Variants in KIT observed in about 807,000 individuals in gnomAD.
KIT encodes the protein mast/stem cell growth factor receptor Kit.
KIT carries 16 observed loss-of-function variants against 105.7 expected under a neutral mutation model. The observed-to-expected ratio is 0.15, with a 90% confidence interval of 0.10 to 0.23. KIT has a LOEUF of 0.23. Among genes scored for constraint, KIT ranks in the 10% least tolerant of loss-of-function variants. KIT has a pLI of 1.00. For missense variants in KIT, 858 were observed against 1,213.8 expected (o/e 0.71, Z 4.36); for synonymous variants, 438 against 441.1 (o/e 0.99, Z 0.09).
At chr4:54,709,693 G>C (rs1310685306) in intron 7 of KIT, 154 bp downstream of exon 7, 1 of 693,912 alleles carries the variant, frequency 1.4e-6, no homozygotes, top group Admixed American at 2.0e-5. Context: ...GGTGGTTAGA[G>C]TGTGTCAAAA....
chr4:54,711,860 CAG>C (rs1287790294), intron 7 of KIT, among the ~76,000 whole-genome samples: 2 of 146,842 alleles, frequency 1.4e-5, no homozygotes, highest in Non-Finnish European at 3.0e-5. Context: ...ACCTGGGAGA[CAG>C]AGGTTGCAGT....
chr4:54,737,276 A>G lies in KIT; in HGVS notation c.2798A>G (p.Asn933Ser), dbSNP rs752222954. The change falls in exon 20 of 21, where the codon AAT becomes AGT. Residue 933 changes from asparagine (N) to serine (S), a missense_variant. This residue lies in a region of KIT where 105 missense variants were observed against 103.5 expected (regional missense o/e 1.01). Coordinates refer to ENST00000288135, the MANE Select transcript of KIT (RefSeq NM_000222.3). ...GAGAAGCAGATTTCAGAGAGCACCA[A>G]TCATGTGAGTATACCCTGGCCAGGC... ...LIEKQISESTNHIYSNLANCS... is the reference protein window; with the variant it reads ...LIEKQISESTSHIYSNLANCS... 6 of 1,603,016 alleles carry G rather than the reference A, an allele frequency of 3.7e-6. No individual in the cohort carries two copies. In the East Asian group the frequency reaches 6.7e-5, roughly 18 times the overall value.
At chr4:54,658,855 C>T (rs942900697) in intron 1 of KIT, among the ~76,000 whole-genome samples, 3 of 152,166 alleles carry the variant, frequency 2.0e-5, no homozygotes, top group East Asian at 1.9e-4. Flanking sequence ...TCGTACATCC[C>T]GTGCTCGCCC....
At chr4:54,666,382 T>A (rs2237030) in intron 1 of KIT, among the ~76,000 whole-genome samples, 81,447 of 151,726 alleles carry the variant, frequency 0.54, 21,934 homozygotes, top group Admixed American at 0.56. Context: ...CGGGTTCAAG[T>A]GATTCTCCTG....
chr4:54,669,007 A>C (rs990684850), intron 1 of KIT, among the ~76,000 whole-genome samples: 1 of 152,196 alleles, frequency 6.6e-6, no homozygotes, highest in Non-Finnish European at 1.5e-5. Flanking sequence ...AAAACACCAC[A>C]AGGACTGGTT....
intron 7 of KIT, among the ~76,000 whole-genome samples, chr4:54,719,570 A>AT (rs11462194): frequency 0.64 from 96,508 of 151,016 alleles, 33,101 homozygotes; most frequent in Middle Eastern, 0.82. Context: ...CAAAAAGGCT[A>AT]TTTTTTTTTA....
At position 54,658,064 on chromosome 4, in the gene KIT, T is replaced by C. The variant is rs748615975; in HGVS notation, c.50T>C (p.Leu17Pro). 2.5e-6 allele frequency: 4 copies of C among 1,613,898 alleles called. No individual in the cohort carries two copies. The highest frequency in any genetic ancestry group is 3.4e-6 in the Non-Finnish European group (4 of 1,179,900). ...GATTTTCTCTGCGTTCTGCTCCTAC[T>C]GCTTCGCGTCCAGACAGGTGGGACA... ...AWDFLCVLLL[L>P]LRVQTGSSQP... is the part of the protein sequence containing the mutation. The change falls in exon 1 of 21, where the codon CTG (leucine) becomes CCG (proline). Residue 17 changes from leucine to proline, a missense_variant. Physicochemically the swap from Leu to Pro is moderately conservative, Grantham distance 98. Transcript: ENST00000288135.
intron 1 of KIT, among the ~76,000 whole-genome samples, chr4:54,676,642 T>TCCTA (rs143854501): frequency 0.082 from 12,456 of 152,082 alleles, 612 homozygotes; most frequent in African/African-American, 0.14. Context: ...TACGATTGTG[T>TCCTA]CCTACCCTGA....
In KIT at chr4:54,709,493, C is replaced by T. The variant is rs755864184; in HGVS notation, c.1185C>T (p.Ser395=). The T allele has an allele frequency of 1.9e-6, 3 of 1,613,144 alleles. No homozygotes were observed. The highest frequency in any genetic ancestry group is 2.2e-5 in the East Asian group (1 of 44,866). Residue 395 remains serine (S), a synonymous_variant, in exon 7 of 21, where the codon TCC becomes TCT. Transcript: ENST00000288135. ...GAGGCACTTACACATTCCTAGTGTC[C>T]AATTCTGACGTCAATGCTGCCATAG... is the stretch of plus-strand genomic sequence containing the variant. ...TEGGTYTFLV[S]NSDVNAAIAF...
intron 1 of KIT, among the ~76,000 whole-genome samples, chr4:54,688,568 T>C (rs919538031): frequency 1.3e-5 from 2 of 152,212 alleles, no homozygotes; most frequent in African/African-American, 4.8e-5. Flanking sequence ...TTTAGCCTTT[T>C]GTGAAGGATA....
rs1553891403 is a variant in KIT, at chr4:54,725,883, A to T, written c.1373A>T (p.Asp458Val). 6.2e-7 allele frequency: 1 copy of T among 1,614,036 alleles called. No homozygotes were observed. The highest frequency in any genetic ancestry group is 8.5e-7 in the Non-Finnish European group (1 of 1,180,006). The change falls in exon 9 of 21, where the codon GAT becomes GTT. Residue 458 changes from aspartate to valine, a missense_variant. Asp to Val is a radical substitution (Grantham distance 152, BLOSUM62 -3). Coordinates refer to ENST00000288135, the MANE Select transcript of KIT (RefSeq NM_000222.3). Reference sequence around the variant, plus strand: ...TGCTCTGCTTCTGTACTGCCAGTGGATGTGCAGACACTAAACTCATCTGGG... The same window carrying T: ...TGCTCTGCTTCTGTACTGCCAGTGGTTGTGCAGACACTAAACTCATCTGGG... ...QRCSASVLPVDVQTLNSSGPP... is the reference protein window; with the variant it reads ...QRCSASVLPVVVQTLNSSGPP...
At chr4:54,713,607 T>C (rs17084684) in intron 7 of KIT, among the ~76,000 whole-genome samples, 4,935 of 152,324 alleles carry the variant, frequency 0.032, 255 homozygotes, top group African/African-American at 0.11. Context: ...TCTGTGACAC[T>C]AATGCGTAAT....
intron 7 of KIT, among the ~76,000 whole-genome samples, chr4:54,711,383 G>A (rs1044350758): frequency 2.0e-5 from 3 of 152,118 alleles, no homozygotes; most frequent in African/African-American, 2.4e-5. Flanking sequence ...GGTCACATTC[G>A]TGTAATTAAA....
intron 17 of KIT, 59 bp downstream of exon 17, chr4:54,733,251 TAA>T: frequency 6.4e-7 from 1 of 1,574,498 alleles, no homozygotes; most frequent in Non-Finnish European, 8.7e-7. Context: ...CAACTTTCGA[TAA>T]AAATTGTTTC....
intron 1 of KIT, among the ~76,000 whole-genome samples, chr4:54,659,777 T>C (rs1219781301): frequency 6.6e-6 from 1 of 152,206 alleles, no homozygotes; most frequent in Non-Finnish European, 1.5e-5. Context: ...AGTAGGAGAC[T>C]AGAAAGACCA....
At chr4:54,709,661 C>T in intron 7 of KIT, 122 bp downstream of exon 7, 2 of 729,266 alleles carry the variant, frequency 2.7e-6, no homozygotes, top group Non-Finnish European at 2.5e-6. Flanking sequence ...TAATCTTGAC[C>T]TTCACAGAGA....
At chr4:54,661,568 T>G (rs996545035) in intron 1 of KIT, among the ~76,000 whole-genome samples, 3 of 152,196 alleles carry the variant, frequency 2.0e-5, no homozygotes, top group Non-Finnish European at 4.4e-5. Context: ...TCAGAATGAA[T>G]GTAGTTTAAG....
rs533731213 is a variant in KIT, at chr4:54,740,323, A to G, written c.*1766A>G. 3.9e-5 allele frequency: 9 copies of G among 233,364 alleles called. No individual in the cohort carries two copies. Among genetic ancestry groups the G allele is most frequent in the East Asian group, 1.2e-4 (2 of 16,552 alleles). The allele number at this position is 233,364 out of a possible 1,614,324, so 14.5% of individuals were successfully genotyped here. A position where few individuals can be genotyped will look rare whatever the true frequency, so the allele number is the denominator to read the frequency against. On this transcript the variant is annotated 3_prime_UTR_variant, in exon 21 of 21. Transcript: ENST00000288135. ...GTCTGAAAAATTCCTTTGTGTTTCTATTGACTTCAATGATAGTAAGAAAAG... is the reference window on the plus strand; with the variant it reads ...GTCTGAAAAATTCCTTTGTGTTTCTGTTGACTTCAATGATAGTAAGAAAAG...
At chr4:54,733,222 T>C (rs1219123955) in intron 17 of KIT, 30 bp downstream of exon 17, 4 of 1,608,040 alleles carry the variant, frequency 2.5e-6, no homozygotes, top group Admixed American at 1.7e-5. Flanking sequence ...TTGACAGTCC[T>C]GCAAAGGATT....
Sources: allele counts gnomAD v4.1 joint callset (sites outside exome capture counted in the v4.1 genomes callset), GRCh38; gene constraint gnomAD v4.1.1; regional missense constraint gnomAD v4.1.1; transcripts MANE v1.5; gene names NCBI Gene and HGNC (gene_info 2026-07-23, HGNC 2026-07-21).